Variants in FAM53B observed in about 807,000 individuals in gnomAD.
FAM53B encodes the protein family with sequence similarity 53 member B.
FAM53B carries 12 observed loss-of-function variants against 32.7 expected under a neutral mutation model. The observed-to-expected ratio is 0.37, with a 90% CI of 0.24 to 0.59. The LOEUF is 0.59. FAM53B is among the 20% of genes least tolerant of loss of function. The pLI is 0.72. For synonymous variants in FAM53B, 234 were observed against 228.7 expected, an observed-to-expected ratio of 1.02 and a Z score of -0.21; for missense variants, 477 against 577.7, an observed-to-expected ratio of 0.83 and a Z score of 1.79.
chr10:124,686,878 G>A (rs971138838), intron 3 of FAM53B, among the ~76,000 whole-genome samples: 11 of 152,242 alleles, frequency 7.2e-5, no homozygotes, highest in Admixed American at 4.6e-4. Flanking sequence ...GCCCTGAACC[G>A]TCTGCCCTAC....
Position 124,710,614 on chromosome 10 carries a change from TC to T in FAM53B, c.-174-3728del, listed in dbSNP as rs1230484610. Among the ~76,000 whole-genome samples the T allele has an allele frequency of 7.2e-5, 11 of 152,214 alleles. No individual in the cohort carries two copies. The East Asian group carries it at 1.9e-3, about 27-fold the overall frequency. ...CAAGAAAAAGACAATAACTGGGTGA[TC>T]CCACAGGGCGCGAGGTGGAAGCCTC... On this transcript the variant is annotated intron_variant, in intron 1 of 4. Transcript: ENST00000337318.
chr10:124,706,503 G>A, intron 2 of FAM53B, 133 bp downstream of exon 2: 6 of 1,068,258 alleles, frequency 5.6e-6, no homozygotes, highest in Non-Finnish European at 8.5e-6. Flanking sequence ...CCCAGCCCGG[G>A]ACGCCTCACA....
chr10:124,662,785 C>T (rs1390035432), intron 4 of FAM53B, among the ~76,000 whole-genome samples: 1 of 152,210 alleles, frequency 6.6e-6, no homozygotes, highest in Non-Finnish European at 1.5e-5. Flanking sequence ...GATCACACCA[C>T]AGTACTCCAG....
intron 2 of FAM53B, among the ~76,000 whole-genome samples, chr10:124,696,887 G>A (rs557663650): frequency 5.2e-4 from 79 of 152,260 alleles, no homozygotes; most frequent in African/African-American, 1.8e-3. Context: ...CCTTTCCACT[G>A]CAAACATTCT....
chr10:124,622,646 G>T lies in FAM53B; in HGVS notation c.*596C>A, dbSNP rs1949318662. The T allele has an allele frequency of 6.6e-6, 1 of 152,568 alleles. No homozygotes were observed. The highest frequency in any genetic ancestry group is 2.1e-4 in the South Asian group (1 of 4,834). The allele number at this position is 152,568 out of a possible 1,614,324, so 9.5% of individuals were successfully genotyped here. On this transcript the variant is annotated 3_prime_UTR_variant, in exon 5 of 5. Transcript: ENST00000337318. ...GCCAGTCCAGCACCCCAGGGATTCT[G>T]TCTCTCACATTGGAATTAAGGCCAA...
intron 1 of FAM53B, among the ~76,000 whole-genome samples, chr10:124,740,160 G>C (rs1950192390): frequency 2.0e-5 from 3 of 152,088 alleles, no homozygotes; most frequent in Admixed American, 2.0e-4. Flanking sequence ...TGTTGCTCAG[G>C]ATCTCAGAGA....
rs1949295390 is a variant in FAM53B, at chr10:124,619,942, A to C, written c.*3300T>G. ...CGCAGCAGGGGGCCCGGGGTTCCAC[A>C]GCTAGGGAAGCTTGCTCAGACAGGC... On this transcript the variant is annotated 3_prime_UTR_variant, in exon 5 of 5. Transcript: ENST00000337318. 1.3e-5 allele frequency: 2 copies of C among 152,370 alleles called. No homozygotes were observed. Among genetic ancestry groups the C allele is most frequent in the Non-Finnish European group, 2.9e-5 (2 of 68,078 alleles). The allele number at this position is 152,370 out of a possible 1,614,324, so 9.4% of individuals were successfully genotyped here.
Position 124,626,111 on chromosome 10 carries a change from C to T in FAM53B, c.907-2507G>A, listed in dbSNP as rs147443214. On this transcript the variant is annotated intron_variant, in intron 4 of 4. Coordinates refer to ENST00000337318, the MANE Select transcript of FAM53B (RefSeq NM_014661.4). ...GATGCGTGTGCCTGACGCCCGAACG[C>T]GTGCCAGCGTTTTCTGCGAGCTGTC... is the stretch of plus-strand genomic sequence containing the variant. 1.6e-3 allele frequency among the ~76,000 whole-genome samples: 246 copies of T among 152,358 alleles called. 3 individuals carry two copies. The highest frequency in any genetic ancestry group is 5.7e-3 in the African/African-American group (238 of 41,590).
intron 4 of FAM53B, among the ~76,000 whole-genome samples, chr10:124,657,052 GTATA>G (rs1326963057): frequency 7.0e-6 from 1 of 143,208 alleles, no homozygotes; most frequent in African/African-American, 2.6e-5. Context: ...ATATATATAT[GTATA>G]TATGTATATA....
chr10:124,674,455 A>T (rs1949725295), intron 4 of FAM53B, among the ~76,000 whole-genome samples: 1 of 152,170 alleles, frequency 6.6e-6, no homozygotes, highest in Admixed American at 6.5e-5. Context: ...TTCCTCGAGG[A>T]TGGGGAAAAT....
chr10:124,732,944 G>C, intron 1 of FAM53B, among the ~76,000 whole-genome samples: 1 of 152,128 alleles, frequency 6.6e-6, no homozygotes, highest in East Asian at 1.9e-4. Context: ...TCCTACTTCT[G>C]GTCATAACGC....
At chr10:124,669,099 G>C (rs1249685381) in intron 4 of FAM53B, among the ~76,000 whole-genome samples, 2 of 152,222 alleles carry the variant, frequency 1.3e-5, no homozygotes, top group East Asian at 1.9e-4. Context: ...GGGGGTGTAG[G>C]GGGTAGAAGG....
intron 1 of FAM53B, among the ~76,000 whole-genome samples, chr10:124,743,121 G>A (rs1317309452): frequency 6.6e-6 from 1 of 151,506 alleles, no homozygotes; most frequent in East Asian, 1.9e-4. Context: ...TCCGAAAATG[G>A]GGGTGGAGAG....
At chr10:124,673,164 C>T (rs1230466857) in intron 4 of FAM53B, among the ~76,000 whole-genome samples, 2 of 152,118 alleles carry the variant, frequency 1.3e-5, no homozygotes, top group African/African-American at 4.8e-5. Context: ...GTCTAGCCCA[C>T]CTTCATGTTT....
At chr10:124,623,710 A>G (rs1949327676) in intron 4 of FAM53B, 106 bp from the exon 5 acceptor site, 1 of 1,340,266 alleles carries the variant, frequency 7.5e-7, no homozygotes, top group Non-Finnish European at 9.9e-7. Flanking sequence ...GGCAAGACCA[A>G]TCAAGTCCCG....
At chr10:124,632,553 G>A (rs1949398091) in intron 4 of FAM53B, among the ~76,000 whole-genome samples, 1 of 152,244 alleles carries the variant, frequency 6.6e-6, no homozygotes, top group African/African-American at 2.4e-5. Flanking sequence ...GGCTCTCAGA[G>A]GGGCTGGTGG....
chr10:124,678,212 A>G lies in FAM53B; in HGVS notation c.906+3395T>C, dbSNP rs549271628. On this transcript the variant is annotated intron_variant, in intron 4 of 4. Coordinates refer to ENST00000337318, the MANE Select transcript of FAM53B (RefSeq NM_014661.4). The stretch of plus-strand genomic sequence containing the variant: ...CTGGAGACACCCAGAAACAGCCCAC[A>G]CCCTCCCTCCAAGTCCTGCGACTGT... Among the ~76,000 whole-genome samples the G allele has an allele frequency of 1.3e-4, 20 of 151,870 alleles. No homozygotes were observed. In the South Asian group the frequency reaches 4.2e-3, roughly 32 times the overall value.
intron 1 of FAM53B, among the ~76,000 whole-genome samples, chr10:124,723,203 C>T: frequency 6.6e-6 from 1 of 152,238 alleles, no homozygotes; most frequent in East Asian, 1.9e-4. Flanking sequence ...TGAGCCCAGC[C>T]TCAGTCCCCT....
At chr10:124,711,415 T>C (rs1950002605) in intron 1 of FAM53B, among the ~76,000 whole-genome samples, 1 of 152,044 alleles carries the variant, frequency 6.6e-6, no homozygotes, top group South Asian at 2.1e-4. Context: ...TCCGTGACAA[T>C]TTTCTGCTTG....
Sources: gnomAD v4.1 joint callset for allele counts (sites outside exome capture counted in the v4.1 genomes callset) on GRCh38, gnomAD v4.1.1 for gene constraint, MANE v1.5 for transcripts, NCBI Gene and HGNC (gene_info 2026-07-23, HGNC 2026-07-21) for gene names.